Variants in RBM44 observed in about 807,000 individuals in gnomAD.
RBM44 encodes RNA-binding protein 44.
A neutral mutation model predicts 105.1 loss-of-function variants in RBM44; 66 were observed. The ratio of observed to expected loss-of-function variants is 0.63; its 90% confidence interval spans 0.52 to 0.77. The LOEUF (loss-of-function observed/expected upper bound fraction) is 0.77. RBM44 is among the 30% of genes least tolerant of loss of function. RBM44 has a pLI of 0.00. For missense variants in RBM44, 1,122 were observed against 1,207.8 expected (o/e 0.93, Z 1.05); for synonymous variants, 365 against 417.6 (o/e 0.87, Z 1.54).
At position 237,834,017 on chromosome 2, in the gene RBM44, G is replaced by A; in HGVS notation, c.2907G>A (p.Lys969=). ...PSDQGVKKNC[K]QIESAKLLPD... ...TTTAGGGTGTCAAGAAGAATTGTAA[G>A]CAGATTGAATCTGCTAAATTATTAC... Residue 969 remains lysine (K), a synonymous_variant, in exon 14 of 16, where the codon AAG becomes AAA. Transcript: ENST00000316997. 6.5e-7 allele frequency: 1 copy of A among 1,550,232 alleles called. No individual in the cohort carries two copies. Among genetic ancestry groups the A allele is most frequent in the Non-Finnish European group, 8.7e-7 (1 of 1,145,416 alleles).
chr2:237,809,765 G>A (rs1172693885), intron 1 of RBM44, among the ~76,000 whole-genome samples: 1 of 152,100 alleles, frequency 6.6e-6, no homozygotes, highest in Non-Finnish European at 1.5e-5. Context: ...AGCAATATAT[G>A]TGATTTTAAA....
Position 237,829,503 on chromosome 2 carries a change from G to A in RBM44, c.2886+1G>A, listed in dbSNP as rs752073129. 3 of 1,606,094 alleles carry A rather than the reference G, an allele frequency of 1.9e-6. No homozygotes were observed. Among genetic ancestry groups the A allele is most frequent in the South Asian group, 2.2e-5 (2 of 89,716 alleles). On this transcript the variant is annotated splice_donor_variant, in intron 13 of 15. Coordinates refer to ENST00000316997, the MANE Select transcript of RBM44 (RefSeq NM_001080504.3). LOFTEE classifies it high-confidence loss of function. The stretch of plus-strand genomic sequence containing the variant: ...CAGTGAGGTTTTCCCTTCCGACCAG[G>A]TTAGTGTTTTTGATAGATCCCTTAA...
chr2:237,824,395 A>G lies in RBM44; in HGVS notation c.2425A>G (p.Thr809Ala). The G allele has an allele frequency of 6.2e-7, 1 of 1,612,694 alleles. No individual in the cohort carries two copies. Among genetic ancestry groups the G allele is most frequent in the Non-Finnish European group, 8.5e-7 (1 of 1,179,106 alleles). Reference sequence around the variant, plus strand: ...ACAGGGAAATCAAGTAGAACAAGACACATGGAATTTGGATCTTACAGGAGG... The same window carrying G: ...ACAGGGAAATCAAGTAGAACAAGACGCATGGAATTTGGATCTTACAGGAGG... Reference protein sequence around the residue: ...GTQGNQVEQDTWNLDLTGEMK... With the variant: ...GTQGNQVEQDAWNLDLTGEMK... The change falls in exon 10 of 16, where the codon ACA becomes GCA. Residue 809 changes from threonine to alanine, a missense_variant. Physicochemically the swap from Thr to Ala is moderately conservative, Grantham distance 58. This residue lies in a region of RBM44 where 918 missense variants were observed against 955.3 expected (regional missense o/e 0.96). Coordinates refer to ENST00000316997, the MANE Select transcript of RBM44 (RefSeq NM_001080504.3).
At chr2:237,835,480 G>A (rs1192989967) in intron 15 of RBM44, among the ~76,000 whole-genome samples, 7 of 152,298 alleles carry the variant, frequency 4.6e-5, no homozygotes, top group Non-Finnish European at 8.8e-5. Flanking sequence ...GTTCATTGTC[G>A]TGAAGCCAAT....
At chr2:237,827,810 G>A (rs1383839124) in intron 12 of RBM44, among the ~76,000 whole-genome samples, 1 of 152,052 alleles carries the variant, frequency 6.6e-6, no homozygotes, top group Non-Finnish European at 1.5e-5. Flanking sequence ...GTAAAAGAAC[G>A]GCTTCCAGAA....
intron 1 of RBM44, among the ~76,000 whole-genome samples, chr2:237,804,408 C>T (rs1267946114): frequency 2.0e-5 from 3 of 152,158 alleles, no homozygotes; most frequent in African/African-American, 4.8e-5. Context: ...TTTACATTCC[C>T]ACCAACAGTT....
rs944002967 is a variant in RBM44 at position 237,842,793 on chromosome 2, C to T, written c.*977C>T. On this transcript the variant is annotated 3_prime_UTR_variant, in exon 16 of 16. Transcript: ENST00000316997. ...TTGTTGTATTTATATTTAATAAAGG[C>T]ATCTAATCTTTAGTACCACTGTGAA... 2.3e-4 allele frequency: 35 copies of T among 151,988 alleles called. No individual in the cohort carries two copies. Among genetic ancestry groups the T allele is most frequent in the African/African-American group, 5.3e-4 (22 of 41,414 alleles). 9.4% of individuals were successfully genotyped at this position (151,988 alleles called of 1,614,324 possible).
At chr2:237,829,123 G>A (rs1408311139) in intron 12 of RBM44, 94 bp from the exon 13 acceptor site, 17 of 855,354 alleles carry the variant, frequency 2.0e-5, no homozygotes, top group Non-Finnish European at 2.7e-5. Context: ...AGTTACTCTT[G>A]TGAAAAACGT....
intron 1 of RBM44, among the ~76,000 whole-genome samples, chr2:237,802,413 A>T (rs2061554330): frequency 6.6e-6 from 1 of 152,174 alleles, no homozygotes; most frequent in African/African-American, 2.4e-5. Context: ...TCTGAGGTGG[A>T]ACAGTTTCAG....
At chr2:237,821,393 A>C (rs1028839299) in intron 7 of RBM44, 25 bp downstream of exon 7, 1 of 1,514,730 alleles carries the variant, frequency 6.6e-7, no homozygotes, top group Admixed American at 2.0e-5. Flanking sequence ...CATTTGATTT[A>C]TAATTCATTA....
At position 237,813,531 on chromosome 2, in the gene RBM44, T is replaced by A. The variant is rs983968301; in HGVS notation, c.-18-61T>A. 7 of 895,726 alleles carry A rather than the reference T, an allele frequency of 7.8e-6. No individual in the cohort carries two copies. The South Asian group carries it at 1.1e-4, about 14-fold the overall frequency. The allele number at this position is 895,726 out of a possible 1,614,324, so 55.5% of individuals were successfully genotyped here. The stretch of plus-strand genomic sequence containing the variant: ...AAAGGACATATCTTTCTGTCCTTTA[T>A]GTAGTTGTCAATTTATGCTTTTTAA... On this transcript the variant is annotated intron_variant, in intron 1 of 15. Coordinates refer to ENST00000316997, the MANE Select transcript of RBM44 (RefSeq NM_001080504.3).
Position 237,821,054 on chromosome 2 carries a change from A to G in RBM44, c.1914-17A>G, listed in dbSNP as rs778088423. On this transcript the variant is annotated splice_polypyrimidine_tract_variant and intron_variant, in intron 5 of 15. Transcript: ENST00000316997. ...AGGCCTAAATAATTTAGTTTTGTGC[A>G]CTCAACTTTTGAACAGGAATTTATC... 3.8e-6 allele frequency: 6 copies of G among 1,566,924 alleles called. No individual in the cohort carries two copies. The Admixed American group carries it at 1.3e-4, about 33-fold the overall frequency.
Position 237,820,313 on chromosome 2 carries a change from T to A in RBM44, c.1875T>A (p.Ile625=), listed in dbSNP as rs758925795. Residue 625 remains isoleucine, a synonymous_variant, in exon 5 of 16, where the codon ATT becomes ATA. Transcript: ENST00000316997. ...YQMCRRHCCD[I]YKLVMENREG... is the part of the protein sequence containing the mutation. ...TGTGTCGTCGCCATTGTTGTGATAT[T>A]TACAAACTTGTCATGGAAAATAGGG... is the stretch of plus-strand genomic sequence containing the variant. 6.9e-6 allele frequency: 11 copies of A among 1,599,160 alleles called. No homozygotes were observed. The highest frequency in any genetic ancestry group is 9.4e-6 in the Non-Finnish European group (11 of 1,172,806).
chr2:237,800,268 A>G (rs902870330), intron 1 of RBM44, among the ~76,000 whole-genome samples: 3 of 152,100 alleles, frequency 2.0e-5, no homozygotes, highest in African/African-American at 7.2e-5. Context: ...GGCCATTTGT[A>G]TATCCTCTTT....
intron 15 of RBM44, among the ~76,000 whole-genome samples, chr2:237,838,415 G>T (rs2061979913): frequency 6.6e-6 from 1 of 152,160 alleles, no homozygotes; most frequent in African/African-American, 2.4e-5. Context: ...GGAAAAAAGT[G>T]ATTTTAAATG....
chr2:237,824,805 T>A (rs1242632363), intron 10 of RBM44, among the ~76,000 whole-genome samples: 1 of 152,164 alleles, frequency 6.6e-6, no homozygotes, highest in Non-Finnish European at 1.5e-5. Context: ...TGATGAAAAC[T>A]ATTTGTTTTC....
chr2:237,813,143 A>G (rs1051500573), intron 1 of RBM44, among the ~76,000 whole-genome samples: 1 of 152,150 alleles, frequency 6.6e-6, no homozygotes, highest in African/African-American at 2.4e-5. Context: ...AACCTATCCC[A>G]GGCAGCTACT....
intron 5 of RBM44, 134 bp from the exon 6 acceptor site, chr2:237,820,937 G>A: frequency 1.6e-6 from 1 of 610,520 alleles, no homozygotes. Context: ...TGTAGTCCTA[G>A]CAACTTGCGA....
chr2:237,822,821 G>C (rs796369032), intron 8 of RBM44, among the ~76,000 whole-genome samples: 1 of 151,832 alleles, frequency 6.6e-6, no homozygotes, highest in Non-Finnish European at 1.5e-5. Flanking sequence ...ATTTTAAGTT[G>C]AGATTACATT....
Sources: gnomAD v4.1 joint callset for allele counts (sites outside exome capture counted in the v4.1 genomes callset) on GRCh38, gnomAD v4.1.1 for gene constraint, gnomAD v4.1.1 regional missense constraint, MANE v1.5 for transcripts, NCBI Gene and HGNC (gene_info 2026-07-23, HGNC 2026-07-21) for gene names.